SIL1: variants seen among roughly 807,000 people sequenced by gnomAD.
SIL1 encodes the protein SIL1 nucleotide exchange factor, also known as nucleotide exchange factor SIL1.
Under a neutral mutation model 49.1 loss-of-function variants are expected in SIL1, and 40 were observed. The observed-to-expected ratio is 0.81, with a 90% CI of 0.63 to 1.06. The LOEUF is 1.06. Ranked by LOEUF, SIL1 falls within the 50% of genes least tolerant of loss-of-function variation. The pLI is 0.00. For synonymous variants in SIL1, 253 were observed against 250.8 expected (o/e 1.01, Z -0.08); for missense variants, 500 against 572.6 (o/e 0.87, Z 1.29).
intron 1 of SIL1, among the ~76,000 whole-genome samples, chr5:139,143,306 T>TAC (rs752710937): frequency 0.049 from 6,014 of 123,302 alleles, 173 homozygotes; most frequent in Non-Finnish European, 0.065. Context: ...TATACATATA[T>TAC]ACACACACAC....
chr5:138,969,559 CACAG>C, intron 7 of SIL1, among the ~76,000 whole-genome samples: 1 of 152,220 alleles, frequency 6.6e-6, no homozygotes, highest in South Asian at 2.1e-4. Flanking sequence ...GAGAGCCACT[CACAG>C]TCAGCTCTGC....
In SIL1 at chr5:138,946,884, T is replaced by C; in HGVS notation, c.*233A>G. ...CCCTGGAGCCTGTTCCTGGATGCCC[T>C]GGGCTGAGCCCTGCACGTCAGCAGA... is the stretch of plus-strand genomic sequence containing the variant. On this transcript the variant is annotated 3_prime_UTR_variant, in exon 10 of 10. Transcript: ENST00000394817. 1 of 569,862 alleles carries C rather than the reference T, an allele frequency of 1.8e-6. No homozygotes were observed. Among genetic ancestry groups the C allele is most frequent in the Non-Finnish European group, 3.2e-6 (1 of 316,258 alleles). 35.3% of individuals were successfully genotyped at this position (569,862 alleles called of 1,614,324 possible).
intron 7 of SIL1, among the ~76,000 whole-genome samples, chr5:139,011,069 C>T (rs1180695240): frequency 1.3e-5 from 2 of 150,934 alleles, no homozygotes; most frequent in Non-Finnish European, 3.0e-5. Flanking sequence ...AGCCTCGCTG[C>T]CGCCTTGCAG....
intron 7 of SIL1, among the ~76,000 whole-genome samples, chr5:138,992,404 T>C (rs1268185885): frequency 6.6e-6 from 1 of 152,186 alleles, no homozygotes; most frequent in Non-Finnish European, 1.5e-5. Flanking sequence ...GTGAGGACCC[T>C]CCTCTGTGAA....
At chr5:139,048,798 GA>G (rs940532527) in intron 4 of SIL1, among the ~76,000 whole-genome samples, 1 of 152,228 alleles carries the variant, frequency 6.6e-6, no homozygotes, top group African/African-American at 2.4e-5. Context: ...TATTGTGGAC[GA>G]AAGAAGTTTG....
At chr5:139,118,092 C>A (rs777897657) in intron 3 of SIL1, among the ~76,000 whole-genome samples, 5 of 152,190 alleles carry the variant, frequency 3.3e-5, no homozygotes, top group African/African-American at 4.8e-5. Context: ...TTAAAGTCCA[C>A]CGTCTTCCTG....
Position 139,058,032 on chromosome 5 carries a change from T to C in SIL1, c.245-6986A>G, listed in dbSNP as rs189593478. On this transcript the variant is annotated intron_variant, in intron 3 of 9. Coordinates refer to ENST00000394817, the MANE Select transcript of SIL1 (RefSeq NM_022464.5). ...CAGGGGACAACCCAAATGTCCATCA[T>C]GTGATAAATGAATTAATAAAAGTAG... Among the ~76,000 whole-genome samples, 639 of 152,364 alleles carry C rather than the reference T, an allele frequency of 4.2e-3. 7 individuals carry two copies. The highest frequency in any genetic ancestry group is 0.01 in the African/African-American group (424 of 41,584).
intron 7 of SIL1, among the ~76,000 whole-genome samples, chr5:138,982,324 A>C (rs916395579): frequency 1.1e-4 from 17 of 152,094 alleles, no homozygotes; most frequent in African/African-American, 4.1e-4. Context: ...TGTTCTCATC[A>C]CCTCAAGATA....
intron 3 of SIL1, among the ~76,000 whole-genome samples, chr5:139,057,314 T>TTAAAAAAAAATAAA (rs781049621): frequency 1.4e-5 from 1 of 73,392 alleles, no homozygotes; most frequent in African/African-American, 6.0e-5. Context: ...GAATGATCAA[T>TTAAAAAAAAATAAA]AAAAAAAAAA....
chr5:139,108,542 G>A (rs77708058), intron 3 of SIL1, among the ~76,000 whole-genome samples: 3,979 of 152,224 alleles, frequency 0.026, 92 homozygotes, highest in African/African-American at 0.054. Flanking sequence ...GGCTGTGGGA[G>A]GCAGGCTGGG....
intron 1 of SIL1, among the ~76,000 whole-genome samples, chr5:139,132,148 G>A (rs932598557): frequency 6.6e-6 from 1 of 152,152 alleles, no homozygotes; most frequent in South Asian, 2.1e-4. Context: ...AAAAGAAGAG[G>A]AGGAAGAGCT....
At chr5:139,169,845 C>CACGGTCTCCCTCTCCCTCTTT (rs1751702660) in intron 1 of SIL1, among the ~76,000 whole-genome samples, 4 of 84,066 alleles carry the variant, frequency 4.8e-5, no homozygotes, top group Non-Finnish European at 1.5e-4. Context: ...TCTCCCTCTC[C>CACGGTCTCCCTCTCCCTCTTT]CCACGGTCTC....
intron 1 of SIL1, among the ~76,000 whole-genome samples, chr5:139,163,946 C>G (rs1173683707): frequency 2.6e-5 from 4 of 151,942 alleles, no homozygotes; most frequent in African/African-American, 9.7e-5. Context: ...GGGTGAAACC[C>G]CGTCTCTACT....
chr5:139,123,166 A>G (rs1327707240), intron 2 of SIL1, among the ~76,000 whole-genome samples: 1 of 152,200 alleles, frequency 6.6e-6, no homozygotes, highest in East Asian at 1.9e-4. Context: ...TCACCTGCGC[A>G]GCCTGGTGCC....
chr5:139,041,659 C>T (rs149788587), intron 5 of SIL1, among the ~76,000 whole-genome samples: 1,738 of 152,034 alleles, frequency 0.011, 33 homozygotes, highest in African/African-American at 0.04. Context: ...TAAAAATTAG[C>T]TGAGTGTAGT....
At chr5:139,005,558 C>T (rs1189380098) in intron 7 of SIL1, among the ~76,000 whole-genome samples, 2 of 132,362 alleles carry the variant, frequency 1.5e-5, no homozygotes, top group Non-Finnish European at 3.2e-5. Flanking sequence ...CCCACTAACT[C>T]ATCATCTAGC....
intron 2 of SIL1, among the ~76,000 whole-genome samples, chr5:139,123,828 C>A (rs1750704108): frequency 6.6e-6 from 1 of 152,186 alleles, no homozygotes; most frequent in African/African-American, 2.4e-5. Flanking sequence ...AAACAGAAAT[C>A]CAGATTTTTA....
chr5:139,093,910 A>C (rs1561859359), intron 3 of SIL1: 1 of 152,216 alleles, frequency 6.6e-6, no homozygotes, highest in African/African-American at 2.4e-5. Context: ...CACATCTGTC[A>C]TGGGCTGAAC....
intron 7 of SIL1, among the ~76,000 whole-genome samples, chr5:138,959,147 C>G (rs868279340): frequency 1.3e-5 from 2 of 152,334 alleles, no homozygotes; most frequent in Middle Eastern, 3.4e-3. Flanking sequence ...GCCATGGAAT[C>G]AGCCATTTCT....
Sources: gnomAD v4.1 joint callset for allele counts (sites outside exome capture counted in the v4.1 genomes callset) on GRCh38, gnomAD v4.1.1 for gene constraint, MANE v1.5 for transcripts, NCBI Gene and HGNC (gene_info 2026-07-23, HGNC 2026-07-21) for gene names.